HES2: variants seen among roughly 807,000 people sequenced by gnomAD.
HES2 encodes transcription factor HES-2.
In HES2, 11 loss-of-function variants were observed where a neutral mutation model predicts 11.9. The ratio of observed to expected loss-of-function variants is 0.92; its 90% CI spans 0.58 to 1.53. The LOEUF is 1.53. HES2 is among the 40% of genes most tolerant of loss of function. The probability of loss-of-function intolerance (pLI) is 0.00; values close to 1 mark genes in which losing one functional copy is unlikely to be tolerated. For missense variants in HES2, 260 were observed against 253.8 expected, an observed-to-expected ratio of 1.02 and a Z score of -0.16; for synonymous variants, 125 against 122.8, an observed-to-expected ratio of 1.02 and a Z score of -0.12.
rs966678613 is a variant in HES2, at chr1:6,416,427, A to G, written c.*2446T>C. 1 of 152,236 alleles carries G rather than the reference A, an allele frequency of 6.6e-6. No homozygotes were observed. Among genetic ancestry groups the G allele is most frequent in the African/African-American group, 2.4e-5 (1 of 41,426 alleles). The allele number at this position is 152,236 out of a possible 1,614,324, so 9.4% of individuals were successfully genotyped here. A position where few individuals can be genotyped will look rare whatever the true frequency, so the allele number is the denominator to read the frequency against. On this transcript the variant is annotated 3_prime_UTR_variant, in exon 4 of 4. Coordinates refer to ENST00000377834, the MANE Select transcript of HES2 (RefSeq NM_019089.5). The stretch of plus-strand genomic sequence containing the variant: ...CCTTCTGCGCAGCTAGCTCTTGCAC[A>G]CACCCCTGCGGAGAAACTCTGCCTT...
Position 6,419,355 on chromosome 1 carries a change from G to T in HES2, c.142-15C>A. 1 of 1,597,510 alleles carries T rather than the reference G, an allele frequency of 6.3e-7. No individual in the cohort carries two copies. ...CAGTTGGAGTTCTGCGCCCGGCCACGAGGAAGAGCGACAGAGAACCACCAA... is the reference window on the plus strand; with the variant it reads ...CAGTTGGAGTTCTGCGCCCGGCCACTAGGAAGAGCGACAGAGAACCACCAA... On this transcript the variant is annotated splice_polypyrimidine_tract_variant and intron_variant, in intron 2 of 3. Transcript: ENST00000377834. The surrounding 1 kb of genome is among the most constrained non-coding windows in gnomAD (Gnocchi z 8.1).
Position 6,417,588 on chromosome 1 carries a change from G to A in HES2, c.*1285C>T, listed in dbSNP as rs1282516908. 1 of 152,140 alleles carries A rather than the reference G, an allele frequency of 6.6e-6. No individual in the cohort carries two copies. The highest frequency in any genetic ancestry group is 6.5e-5 in the Admixed American group (1 of 15,270). 9.4% of individuals were successfully genotyped at this position (152,140 alleles called of 1,614,324 possible). ...AGGGACTCTAGGCCTCCATGGAAAA[G>A]AAAGAAATAAAAAATTTTTTTTGAG... On this transcript the variant is annotated 3_prime_UTR_variant, in exon 4 of 4. Transcript: ENST00000377834.
chr1:6,418,227 T>TC lies in HES2; in HGVS notation c.*645dup, dbSNP rs1256785468. 1 of 152,222 alleles carries TC rather than the reference T, an allele frequency of 6.6e-6. No homozygotes were observed. Among genetic ancestry groups the TC allele is most frequent in the Non-Finnish European group, 1.5e-5 (1 of 68,126 alleles). The allele number at this position is 152,222 out of a possible 1,614,324, so 9.4% of individuals were successfully genotyped here. A position where few individuals can be genotyped will look rare whatever the true frequency, so the allele number is the denominator to read the frequency against. ...ATCCTTCCCAAAGTCACTTAAGGAA[T>TC]CCCCCAGCCCCACCGCACAGACCCC... On this transcript the variant is annotated 3_prime_UTR_variant, in exon 4 of 4. Transcript: ENST00000377834.
Position 6,418,588 on chromosome 1 carries a change from C to T in HES2, c.*285G>A. 1 of 357,404 alleles carries T rather than the reference C, an allele frequency of 2.8e-6. No individual in the cohort carries two copies. The highest frequency in any genetic ancestry group is 4.7e-5 in the Admixed American group (1 of 21,266). 22.1% of individuals were successfully genotyped at this position (357,404 alleles called of 1,614,324 possible). ...CGGGGTCCAGTTCCAGAACTATCTC[C>T]ACCAGCTGGGATGGGGGGCTTCTTC... On this transcript the variant is annotated 3_prime_UTR_variant, in exon 4 of 4. Coordinates refer to ENST00000377834, the MANE Select transcript of HES2 (RefSeq NM_019089.5).
At position 6,416,497 on chromosome 1, in the gene HES2, C is replaced by T. The variant is rs947368667; in HGVS notation, c.*2376G>A. The stretch of plus-strand genomic sequence containing the variant: ...CTTACCCACCCAGGCTTGCCCCCTC[C>T]CTTCCAGGGCCCACTGACCTCCTGA... On this transcript the variant is annotated 3_prime_UTR_variant, in exon 4 of 4. Transcript: ENST00000377834. 1 of 152,314 alleles carries T rather than the reference C, an allele frequency of 6.6e-6. No homozygotes were observed. Among genetic ancestry groups the T allele is most frequent in the Admixed American group, 6.5e-5 (1 of 15,292 alleles). The allele number at this position is 152,314 out of a possible 1,614,324, so 9.4% of individuals were successfully genotyped here.
chr1:6,418,973 G>T lies in HES2; in HGVS notation c.422C>A (p.Ala141Asp). ...GRAGDSSGPS[A>D]PAPAPASAPE... Reference sequence around the variant, plus strand: ...GGCAGACGCGGGCGCTGGGGCGGGGGCAGACGGGCCACTGGAATCCCCAGC... The same window carrying T: ...GGCAGACGCGGGCGCTGGGGCGGGGTCAGACGGGCCACTGGAATCCCCAGC... The change falls in exon 4 of 4, where the codon GCC becomes GAC. Residue 141 changes from alanine to aspartate, a missense_variant. Physicochemically the swap from Ala to Asp is moderately radical, Grantham distance 126. Coordinates refer to ENST00000377834, the MANE Select transcript of HES2 (RefSeq NM_019089.5). 1 of 1,349,926 alleles carries T rather than the reference G, an allele frequency of 7.4e-7. No homozygotes were observed. Among genetic ancestry groups the T allele is most frequent in the Non-Finnish European group, 9.4e-7 (1 of 1,060,568 alleles). The allele number at this position is 1,349,926 out of a possible 1,614,324, so 83.6% of individuals were successfully genotyped here. A position where few individuals can be genotyped will look rare whatever the true frequency, so the allele number is the denominator to read the frequency against.
In HES2 at chr1:6,419,654, T is replaced by C; in HGVS notation, c.94A>G (p.Ser32Gly). The C allele has an allele frequency of 6.4e-7, 1 of 1,554,750 alleles. No individual in the cohort carries two copies. Among genetic ancestry groups the C allele is most frequent in the Non-Finnish European group, 8.7e-7 (1 of 1,153,504 alleles). The change falls in exon 2 of 4, where the codon AGC (serine) becomes GGC (glycine). Residue 32 changes from serine to glycine, a missense_variant. By Grantham distance (56) the Ser-to-Gly change is moderately conservative (BLOSUM62 0). Coordinates refer to ENST00000377834, the MANE Select transcript of HES2 (RefSeq NM_019089.5). The surrounding 1 kb of genome is among the most constrained non-coding windows in gnomAD (Gnocchi z 8.1). ...EKRRRARINQ[S>G]LSQLKGLILP... is the part of the protein sequence containing the mutation. The stretch of plus-strand genomic sequence containing the variant: ...ATGAGCCCCTTAAGCTGGCTCAGGC[T>C]CTGGTTGATGCGCGCGCGCCGGCGC...
rs1483304471 is a variant in HES2, at chr1:6,419,558, C to G, written c.141+49G>C. On this transcript the variant is annotated intron_variant, in intron 2 of 3. Transcript: ENST00000377834. The surrounding 1 kb of genome is among the most constrained non-coding windows in gnomAD (Gnocchi z 8.1). ...CCGCAGGAGCACCCCGTCCCCCTGC[C>G]CCCGCTCCGCGCCCCAGGACCCTCT... The G allele has an allele frequency of 2.1e-6, 3 of 1,454,348 alleles. No individual in the cohort carries two copies. The highest frequency in any genetic ancestry group is 2.8e-6 in the Non-Finnish European group (3 of 1,090,394). 90.1% of individuals were successfully genotyped at this position (1,454,348 alleles called of 1,614,324 possible).
chr1:6,415,679 C>A lies in HES2; in HGVS notation c.*3194G>T, dbSNP rs1178103594. On this transcript the variant is annotated 3_prime_UTR_variant, in exon 4 of 4. Coordinates refer to ENST00000377834, the MANE Select transcript of HES2 (RefSeq NM_019089.5). ...GGAGCAGGTAGGCGCCTGTCCCAAG[C>A]CTGAGTTTCCTGGGAAATCTACATT... The A allele has an allele frequency of 1.3e-5, 2 of 152,204 alleles. No homozygotes were observed. Among genetic ancestry groups the A allele is most frequent in the Non-Finnish European group, 2.9e-5 (2 of 68,060 alleles). The allele number at this position is 152,204 out of a possible 1,614,324, so 9.4% of individuals were successfully genotyped here. A position where few individuals can be genotyped will look rare whatever the true frequency, so the allele number is the denominator to read the frequency against.
rs1335025686 is a variant in HES2, at chr1:6,419,232, C to A, written c.241+9G>T. ...AGAGCGCGCGGCAGGGCAGGGAGGG[C>A]TCACTCACGGGGCGCTGCCGTGGGC... is the stretch of plus-strand genomic sequence containing the variant. On this transcript the variant is annotated intron_variant, in intron 3 of 3. Coordinates refer to ENST00000377834, the MANE Select transcript of HES2 (RefSeq NM_019089.5). This position sits in a 1 kb window ranked among gnomAD's most constrained non-coding sequence, Gnocchi z 8.1. 3 of 1,605,790 alleles carry A rather than the reference C, an allele frequency of 1.9e-6. No individual in the cohort carries two copies. In the African/African-American group the frequency reaches 4.0e-5, roughly 22 times the overall value.
rs72633464 is a variant in HES2, at chr1:6,417,603, T to A, written c.*1270A>T. 4,275 of 150,872 alleles carry A rather than the reference T, an allele frequency of 0.028. 86 individuals are homozygous for A. Among genetic ancestry groups the A allele is most frequent in the Non-Finnish European group, 0.041 (2,777 of 67,982 alleles). 9.3% of individuals were successfully genotyped at this position (150,872 alleles called of 1,614,324 possible). A position where few individuals can be genotyped will look rare whatever the true frequency, so the allele number is the denominator to read the frequency against. The stretch of plus-strand genomic sequence containing the variant: ...CCATGGAAAAGAAAGAAATAAAAAA[T>A]TTTTTTTGAGACAGAGTCTTGCTGT... On this transcript the variant is annotated 3_prime_UTR_variant, in exon 4 of 4. Transcript: ENST00000377834.
In HES2 at chr1:6,416,278, G is replaced by A. The variant is rs1642848977; in HGVS notation, c.*2595C>T. 6.6e-6 allele frequency: 1 copy of A among 152,298 alleles called. No homozygotes were observed. Among genetic ancestry groups the A allele is most frequent in the African/African-American group, 2.4e-5 (1 of 41,462 alleles). 9.4% of individuals were successfully genotyped at this position (152,298 alleles called of 1,614,324 possible). On this transcript the variant is annotated 3_prime_UTR_variant, in exon 4 of 4. Coordinates refer to ENST00000377834, the MANE Select transcript of HES2 (RefSeq NM_019089.5). ...CTGCACAGGAAAAGCCCACCGCCCTGCGTTCACCTTTGCCCATCAGATAGG... is the reference window on the plus strand; with the variant it reads ...CTGCACAGGAAAAGCCCACCGCCCTACGTTCACCTTTGCCCATCAGATAGG...
chr1:6,419,219 A>G lies in HES2; in HGVS notation c.241+22T>C, dbSNP rs538781907. On this transcript the variant is annotated intron_variant, in intron 3 of 3. Transcript: ENST00000377834. This position sits in a 1 kb window ranked among gnomAD's most constrained non-coding sequence, Gnocchi z 8.1. Reference sequence around the variant, plus strand: ...GGGTGCGGGGTGCAGAGCGCGCGGCAGGGCAGGGAGGGCTCACTCACGGGG... The same window carrying G: ...GGGTGCGGGGTGCAGAGCGCGCGGCGGGGCAGGGAGGGCTCACTCACGGGG... 1.5e-4 allele frequency: 247 copies of G among 1,601,342 alleles called. No individual in the cohort carries two copies. The highest frequency in any genetic ancestry group is 4.5e-4 in the Admixed American group (27 of 59,440).
In HES2 at chr1:6,419,444, G is replaced by A. The variant is rs1248298292; in HGVS notation, c.142-104C>T. The A allele has an allele frequency of 1.7e-6, 2 of 1,200,810 alleles. No homozygotes were observed. Among genetic ancestry groups the A allele is most frequent in the Admixed American group, 2.2e-5 (1 of 45,980 alleles). The allele number at this position is 1,200,810 out of a possible 1,614,324, so 74.4% of individuals were successfully genotyped here. A position where few individuals can be genotyped will look rare whatever the true frequency, so the allele number is the denominator to read the frequency against. ...TAGTCGGGAGCTGGGTGTGGGGCGC[G>A]CCGTGGCCTGCTGGGGGTCCGCTCC... is the stretch of plus-strand genomic sequence containing the variant. On this transcript the variant is annotated intron_variant, in intron 2 of 3. Coordinates refer to ENST00000377834, the MANE Select transcript of HES2 (RefSeq NM_019089.5). This position sits in a 1 kb window ranked among gnomAD's most constrained non-coding sequence, Gnocchi z 8.1.
At position 6,415,698 on chromosome 1, in the gene HES2, C is replaced by CCTG. The variant is rs2148494323; in HGVS notation, c.*3174_*3175insCAG. ...CCCAAGCCTGAGTTTCCTGGGAAATCTACATTTCAGCACAGATGGGTTCCC... is the reference window on the plus strand; with the variant it reads ...CCCAAGCCTGAGTTTCCTGGGAAATCCTGTACATTTCAGCACAGATGGGTTCCC... On this transcript the variant is annotated 3_prime_UTR_variant, in exon 4 of 4. Coordinates refer to ENST00000377834, the MANE Select transcript of HES2 (RefSeq NM_019089.5). The CCTG allele has an allele frequency of 1.3e-5, 2 of 152,350 alleles. No individual in the cohort carries two copies. Among genetic ancestry groups the CCTG allele is most frequent in the East Asian group, 3.9e-4 (2 of 5,188 alleles). 9.4% of individuals were successfully genotyped at this position (152,350 alleles called of 1,614,324 possible). A position where few individuals can be genotyped will look rare whatever the true frequency, so the allele number is the denominator to read the frequency against.
rs1032883180 is a variant in HES2 at position 6,418,693 on chromosome 1, G to A, written c.*180C>T. ...GGACGCTCCTTTTATTCCCTGAGCC[G>A]AGCCCCAGCCCCAGGGCTTTCAGTC... is the stretch of plus-strand genomic sequence containing the variant. On this transcript the variant is annotated 3_prime_UTR_variant, in exon 4 of 4. Transcript: ENST00000377834. 17 of 515,120 alleles carry A rather than the reference G, an allele frequency of 3.3e-5. No individual in the cohort carries two copies. The highest frequency in any genetic ancestry group is 2.0e-4 in the African/African-American group (10 of 50,468). The allele number at this position is 515,120 out of a possible 1,614,324, so 31.9% of individuals were successfully genotyped here. A position where few individuals can be genotyped will look rare whatever the true frequency, so the allele number is the denominator to read the frequency against.
rs1054274 is a variant in HES2, at chr1:6,415,526, T to C, written c.*3347A>G. 3 of 148,236 alleles carry C rather than the reference T, an allele frequency of 2.0e-5. No homozygotes were observed. The highest frequency in any genetic ancestry group is 1.4e-4 in the Admixed American group (2 of 14,542). The allele number at this position is 148,236 out of a possible 1,614,324, so 9.2% of individuals were successfully genotyped here. A position where few individuals can be genotyped will look rare whatever the true frequency, so the allele number is the denominator to read the frequency against. On this transcript the variant is annotated 3_prime_UTR_variant, in exon 4 of 4. Coordinates refer to ENST00000377834, the MANE Select transcript of HES2 (RefSeq NM_019089.5). Reference sequence around the variant, plus strand: ...CACTCAGGATCCCAGACTGCAGGAGTCGTCTGGGATCACAGGCGGGGCAGA... The same window carrying C: ...CACTCAGGATCCCAGACTGCAGGAGCCGTCTGGGATCACAGGCGGGGCAGA...
chr1:6,418,795 GC>G lies in HES2; in HGVS notation c.*77del. On this transcript the variant is annotated 3_prime_UTR_variant, in exon 4 of 4. Transcript: ENST00000377834. ...CTGGCCCCTAATGATGGGAACAGCA[GC>G]CGCCACCAAGAGCTTCAACCTGTCC... 2 of 1,253,162 alleles carry G rather than the reference GC, an allele frequency of 1.6e-6. No individual in the cohort carries two copies. The highest frequency in any genetic ancestry group is 2.0e-6 in the Non-Finnish European group (2 of 999,082). The allele number at this position is 1,253,162 out of a possible 1,614,324, so 77.6% of individuals were successfully genotyped here.
In HES2 at chr1:6,419,508, C is replaced by G; in HGVS notation, c.141+99G>C. On this transcript the variant is annotated intron_variant, in intron 2 of 3. Coordinates refer to ENST00000377834, the MANE Select transcript of HES2 (RefSeq NM_019089.5). This position sits in a 1 kb window ranked among gnomAD's most constrained non-coding sequence, Gnocchi z 8.1. ...CACCCAGGCTCCGCCTCGGGCGCCG[C>G]GCGGAACCCCCTGGTGGGTTCCTCC... is the stretch of plus-strand genomic sequence containing the variant. 1 of 1,247,542 alleles carries G rather than the reference C, an allele frequency of 8.0e-7. No individual in the cohort carries two copies. Among genetic ancestry groups the G allele is most frequent in the South Asian group, 1.5e-5 (1 of 66,084 alleles). The allele number at this position is 1,247,542 out of a possible 1,614,324, so 77.3% of individuals were successfully genotyped here.
Sources: gnomAD v4.1 joint callset for allele counts on GRCh38, gnomAD v4.1.1 for gene constraint, Gnocchi (gnomAD v3.1) non-coding constraint, MANE v1.5 for transcripts, NCBI Gene and HGNC (gene_info 2026-07-23, HGNC 2026-07-21) for gene names.